Variants in KAZN observed in about 807,000 individuals in gnomAD.
The protein encoded by KAZN is kazrin, periplakin interacting protein.
Under a neutral mutation model 87.4 loss-of-function variants are expected in KAZN, and 40 were observed. The observed-to-expected ratio is 0.46, with a 90% CI of 0.36 to 0.60. The LOEUF is 0.60. Ranked by LOEUF, KAZN falls within the 20% of genes least tolerant of loss-of-function variation. The probability of loss-of-function intolerance (pLI) is 0.00; values close to 1 mark genes in which losing one functional copy is unlikely to be tolerated. For missense variants in KAZN, 898 were observed against 1,073.9 expected, an observed-to-expected ratio of 0.84 and a Z score of 2.29; for synonymous variants, 466 against 458.3, an observed-to-expected ratio of 1.02 and a Z score of -0.22.
At chr1:14,793,478 T>C (rs1645741633) in intron 1 of KAZN, among the ~76,000 whole-genome samples, 1 of 152,190 alleles carries the variant, frequency 6.6e-6, no homozygotes, top group African/African-American at 2.4e-5. Flanking sequence ...CTATTAGCTA[T>C]ATGGCCCCAA....
chr1:14,493,431 C>A (rs1032573511), intron 2 of KAZN, among the ~76,000 whole-genome samples: 7 of 152,094 alleles, frequency 4.6e-5, no homozygotes, highest in African/African-American at 1.7e-4. Context: ...AGGTCCCATC[C>A]ATTCACATCC....
intron 2 of KAZN, among the ~76,000 whole-genome samples, chr1:14,526,762 A>G (rs1362121241): frequency 6.6e-6 from 1 of 152,158 alleles, no homozygotes; most frequent in Admixed American, 6.5e-5. Context: ...CTTCATAGTA[A>G]GGTACAGATA....
intron 1 of KAZN, among the ~76,000 whole-genome samples, chr1:13,981,088 T>C (rs991752212): frequency 2.0e-4 from 22 of 109,362 alleles, no homozygotes; most frequent in African/African-American, 6.6e-4. Flanking sequence ...AAAATTACTC[T>C]TTATATATAT....
At chr1:13,978,726 T>A (rs1281949034) in intron 1 of KAZN, among the ~76,000 whole-genome samples, 1 of 151,976 alleles carries the variant, frequency 6.6e-6, no homozygotes, top group Non-Finnish European at 1.5e-5. Context: ...TGAAAAGAGC[T>A]TAAGAGACAG....
chr1:14,952,157 C>G (rs935835377), intron 1 of KAZN, among the ~76,000 whole-genome samples: 2 of 152,010 alleles, frequency 1.3e-5, no homozygotes, highest in Non-Finnish European at 2.9e-5. Flanking sequence ...CAGGTCAATA[C>G]AGAGCTCTTG....
intron 2 of KAZN, among the ~76,000 whole-genome samples, chr1:14,448,236 AC>A (rs1444895681): frequency 6.6e-6 from 1 of 152,230 alleles, no homozygotes; most frequent in Non-Finnish European, 1.5e-5. Context: ...GCTCAAGATC[AC>A]ACCATTGGTA....
At position 15,029,976 on chromosome 1, in the gene KAZN, G is replaced by A. The variant is rs942752025; in HGVS notation, c.419-4773G>A. 2.0e-5 allele frequency among the ~76,000 whole-genome samples: 3 copies of A among 152,296 alleles called. No individual in the cohort carries two copies. In the South Asian group the frequency reaches 6.2e-4, roughly 32 times the overall value. On this transcript the variant is annotated intron_variant, in intron 2 of 14. Transcript: ENST00000376030. ...CAGGAGCCACTCCCCAAGCTCAGCA[G>A]TGCTCTCCTGCTACTCTCCAGCCCG...
Position 13,895,605 on chromosome 1 carries a change from A to G in KAZN, c.91+1849A>G, listed in dbSNP as rs76564653. 1.2e-3 allele frequency among the ~76,000 whole-genome samples: 181 copies of G among 152,320 alleles called. 2 individuals are homozygous for G. In the East Asian group the frequency reaches 0.028, roughly 23 times the overall value. On this transcript the variant is annotated intron_variant, in intron 1 of 16. Coordinates refer to the KAZN transcript ENST00000636203. ...AGAGCTCACTCAATTAGGACGCGAA[A>G]GGGATGGAGACCAACACTGATACGT... is the stretch of plus-strand genomic sequence containing the variant.
chr1:14,799,040 G>C (rs776306741), intron 1 of KAZN, among the ~76,000 whole-genome samples: 2 of 152,210 alleles, frequency 1.3e-5, no homozygotes, highest in Non-Finnish European at 2.9e-5. Flanking sequence ...GCCTCCCAAA[G>C]TGCTGGGATT....
chr1:14,290,624 T>A (rs993155557), intron 2 of KAZN, among the ~76,000 whole-genome samples: 6 of 152,210 alleles, frequency 3.9e-5, no homozygotes, highest in Non-Finnish European at 2.9e-5. Flanking sequence ...GGTTTGAACA[T>A]CCTCCTTCAG....
At position 15,114,156 on chromosome 1, in the gene KAZN, TCCAC is replaced by T. The variant is rs371165727; in HGVS notation, c.2164-309_2164-306del. The T allele has an allele frequency of 1.7e-3, 457 of 266,264 alleles. 2 individuals are homozygous for T. The highest frequency in any genetic ancestry group is 9.6e-3 in the African/African-American group (438 of 45,662). The allele number at this position is 266,264 out of a possible 1,614,324, so 16.5% of individuals were successfully genotyped here. On this transcript the variant is annotated intron_variant, in intron 14 of 14. Transcript: ENST00000376030. ...TCTCCAGGACACACTTCCTCAACTCTCCACCCACCAAGGAGGGAAGAAGGAGGCT... is the reference window on the plus strand; with the variant it reads ...TCTCCAGGACACACTTCCTCAACTCTCCACCAAGGAGGGAAGAAGGAGGCT...
intron 8 of KAZN, among the ~76,000 whole-genome samples, chr1:15,069,280 G>A (rs1310782945): frequency 6.6e-6 from 1 of 152,116 alleles, no homozygotes; most frequent in Non-Finnish European, 1.5e-5. Flanking sequence ...GATAGCCACA[G>A]CCAGTCAATC....
At chr1:14,247,802 A>G (rs528786276) in intron 2 of KAZN, among the ~76,000 whole-genome samples, 1 of 151,906 alleles carries the variant, frequency 6.6e-6, no homozygotes, top group East Asian at 1.9e-4. Context: ...CTGCAGAATA[A>G]CTGCTCATCC....
At chr1:14,208,524 C>T (rs762901946) in intron 2 of KAZN, among the ~76,000 whole-genome samples, 3 of 152,180 alleles carry the variant, frequency 2.0e-5, no homozygotes, top group South Asian at 2.1e-4. Context: ...TCTCTACTCT[C>T]ACAGAGTTGA....
intron 2 of KAZN, among the ~76,000 whole-genome samples, chr1:14,486,639 G>T (rs559961561): frequency 6.6e-6 from 1 of 152,298 alleles, no homozygotes; most frequent in South Asian, 2.1e-4. Context: ...GCGTAGTGAA[G>T]ATGGTTGAGT....
In KAZN at chr1:14,091,489, G is replaced by A. The variant is rs149615851; in HGVS notation, c.92-88946G>A. 4.0e-3 allele frequency among the ~76,000 whole-genome samples: 615 copies of A among 152,196 alleles called. 2 individuals are homozygous for A. The highest frequency in any genetic ancestry group is 0.014 in the African/African-American group (595 of 41,504). On this transcript the variant is annotated intron_variant, in intron 1 of 16. Transcript: ENST00000636203. Reference sequence around the variant, plus strand: ...TTCTAGCCTTAGGAAGGTAAATTTTGTCTTGATTACTCCATCATGGTCAGA... The same window carrying A: ...TTCTAGCCTTAGGAAGGTAAATTTTATCTTGATTACTCCATCATGGTCAGA...
intron 1 of KAZN, among the ~76,000 whole-genome samples, chr1:14,904,448 C>T (rs147125412): frequency 3.3e-5 from 5 of 152,314 alleles, no homozygotes; most frequent in Middle Eastern, 3.4e-3. Flanking sequence ...GCTGCAGGTA[C>T]AGCTTTGCTA....
intron 1 of KAZN, among the ~76,000 whole-genome samples, chr1:14,685,109 T>A (rs2148770551): frequency 6.6e-6 from 1 of 152,260 alleles, no homozygotes; most frequent in South Asian, 2.1e-4. Context: ...GAACAAATAG[T>A]TTATCTGAAA....
At chr1:14,699,804 G>A (rs898300350) in intron 1 of KAZN, among the ~76,000 whole-genome samples, 13 of 152,184 alleles carry the variant, frequency 8.5e-5, no homozygotes, top group African/African-American at 3.1e-4. Context: ...TGTCCATGGT[G>A]TAAATGCTCA....
Sources: allele counts gnomAD v4.1 joint callset (sites outside exome capture counted in the v4.1 genomes callset), GRCh38; gene constraint gnomAD v4.1.1; transcripts MANE v1.5; gene names NCBI Gene and HGNC (gene_info 2026-07-23, HGNC 2026-07-21).